DPCD: variants seen among roughly 807,000 people sequenced by gnomAD.
DPCD encodes the protein deleted in primary ciliary dyskinesia homolog (mouse), also known as protein DPCD.
A neutral mutation model predicts 26.4 loss-of-function variants in DPCD; 20 were observed. That is an observed-to-expected ratio of 0.76 (90% CI 0.53 to 1.10). The LOEUF is 1.10. Among genes scored for constraint, DPCD ranks in the 50% least tolerant of loss-of-function variants. The pLI is 0.00. For missense variants in DPCD, 202 were observed against 253.9 expected (o/e 0.80, Z 1.39); for synonymous variants, 97 against 94.2 (o/e 1.03, Z -0.17).
At chr10:101,591,935 A>G (rs2063612058) in intron 1 of DPCD, among the ~76,000 whole-genome samples, 1 of 152,082 alleles carries the variant, frequency 6.6e-6, no homozygotes, top group Non-Finnish European at 1.5e-5. Flanking sequence ...ATCCGCCTGC[A>G]TCGGCTTCCC....
intron 1 of DPCD, among the ~76,000 whole-genome samples, chr10:101,592,046 T>C (rs1450519058): frequency 6.6e-6 from 1 of 151,792 alleles, no homozygotes; most frequent in African/African-American, 2.4e-5. Flanking sequence ...TCACAGTTAT[T>C]TTTCTTTTAC....
Position 101,600,624 on chromosome 10 carries a change from C to T in DPCD, c.146-114C>T. On this transcript the variant is annotated intron_variant, in intron 2 of 5. Coordinates refer to ENST00000370151, the MANE Select transcript of DPCD (RefSeq NM_015448.3). The surrounding 1 kb of genome is among the most constrained non-coding windows in gnomAD (Gnocchi z 4.7). ...AAAGGCCCAACACTCCCACTTTCAT[C>T]TTGTGCTAGTTACCTAGTGTGGTGC... 1 of 1,455,980 alleles carries T rather than the reference C, an allele frequency of 6.9e-7. No individual in the cohort carries two copies. Among genetic ancestry groups the T allele is most frequent in the Non-Finnish European group, 9.2e-7 (1 of 1,087,778 alleles). The allele number at this position is 1,455,980 out of a possible 1,614,324, so 90.2% of individuals were successfully genotyped here.
rs1039006991 is a variant in DPCD, at chr10:101,600,343, G to A, written c.146-395G>A. On this transcript the variant is annotated intron_variant, in intron 2 of 5. Coordinates refer to ENST00000370151, the MANE Select transcript of DPCD (RefSeq NM_015448.3). The surrounding 1 kb of genome is among the most constrained non-coding windows in gnomAD (Gnocchi z 4.7). ...TCTGCATGTTTTTGAGGGAAAAAGT[G>A]TGCTTCAACTCCTTTTTGGGATCCA... Among the ~76,000 whole-genome samples, 2 of 152,112 alleles carry A rather than the reference G, an allele frequency of 1.3e-5. No homozygotes were observed. Among genetic ancestry groups the A allele is most frequent in the South Asian group, 4.2e-4 (2 of 4,814 alleles).
chr10:101,594,552 C>T (rs2063635738), intron 1 of DPCD, 106 bp from the exon 2 acceptor site: 2 of 1,137,512 alleles, frequency 1.8e-6, no homozygotes, highest in Admixed American at 3.5e-5. Context: ...GGCTGGGTTC[C>T]TCAGTACTCC....
chr10:101,600,591 C>T lies in DPCD; in HGVS notation c.146-147C>T, dbSNP rs754020616. ...GAGGTCCCTCCTTAGATTAACAAAG[C>T]TGAGAGTAAAGGCCCAACACTCCCA... On this transcript the variant is annotated intron_variant, in intron 2 of 5. Coordinates refer to ENST00000370151, the MANE Select transcript of DPCD (RefSeq NM_015448.3). This position sits in a 1 kb window ranked among gnomAD's most constrained non-coding sequence, Gnocchi z 4.7. 4 of 1,240,452 alleles carry T rather than the reference C, an allele frequency of 3.2e-6. No homozygotes were observed. The South Asian group carries it at 6.5e-5, about 20-fold the overall frequency. The allele number at this position is 1,240,452 out of a possible 1,614,324, so 76.8% of individuals were successfully genotyped here. A position where few individuals can be genotyped will look rare whatever the true frequency, so the allele number is the denominator to read the frequency against.
intron 1 of DPCD, 42 bp downstream of exon 1, chr10:101,588,442 C>T (rs2063519571): frequency 1.3e-6 from 2 of 1,556,758 alleles, no homozygotes; most frequent in South Asian, 1.2e-5. Flanking sequence ...TTTTTTCCCT[C>T]AGGGTCCGGC....
At position 101,594,716 on chromosome 10, in the gene DPCD, C is replaced by T. The variant is rs867341773; in HGVS notation, c.123C>T (p.Asp41=). ...GCAAGGAAATGGCTGAAGAATATGA[C>T]GAGAAGACGAGTGAACTACTTGGTA... The part of the protein sequence containing the change: ...PDGKEMAEEY[D]EKTSELLVRK... Residue 41 remains aspartate, a synonymous_variant, in exon 2 of 6, where the codon GAC becomes GAT. Coordinates refer to ENST00000370151, the MANE Select transcript of DPCD (RefSeq NM_015448.3). 1 of 1,614,132 alleles carries T rather than the reference C, an allele frequency of 6.2e-7. No individual in the cohort carries two copies. The highest frequency in any genetic ancestry group is 1.1e-5 in the South Asian group (1 of 91,074).
intron 3 of DPCD, among the ~76,000 whole-genome samples, 158 bp from the exon 4 acceptor site, chr10:101,601,045 C>T (rs576978809): frequency 2.0e-5 from 3 of 152,156 alleles, no homozygotes; most frequent in South Asian, 2.1e-4. Context: ...CGTCCCAGGG[C>T]GGGGGCTCAG....
At chr10:101,594,223 A>T (rs1334174310) in intron 1 of DPCD, among the ~76,000 whole-genome samples, 1 of 148,180 alleles carries the variant, frequency 6.7e-6, no homozygotes, top group Non-Finnish European at 1.5e-5. Flanking sequence ...AAATGCTTTT[A>T]AAAGTATCAT....
intron 5 of DPCD, 134 bp downstream of exon 5, chr10:101,609,071 C>A: frequency 1.3e-6 from 1 of 790,376 alleles, no homozygotes; most frequent in Non-Finnish European, 2.1e-6. Context: ...ATAGGCATCT[C>A]TAATTCAGCA....
chr10:101,609,587 C>T lies in DPCD; in HGVS notation c.*116C>T. ...AGGAGCTATCAAGGGTCTCTAAGAA[C>T]TGGGCATGGGGCACTCCTAGCCAGT... On this transcript the variant is annotated 3_prime_UTR_variant, in exon 6 of 6. Coordinates refer to ENST00000370151, the MANE Select transcript of DPCD (RefSeq NM_015448.3). 1 of 844,000 alleles carries T rather than the reference C, an allele frequency of 1.2e-6. No homozygotes were observed. Among genetic ancestry groups the T allele is most frequent in the East Asian group, 2.6e-5 (1 of 38,038 alleles). 52.3% of individuals were successfully genotyped at this position (844,000 alleles called of 1,614,324 possible).
At chr10:101,598,026 C>T (rs1346296604) in intron 2 of DPCD, among the ~76,000 whole-genome samples, 2 of 152,170 alleles carry the variant, frequency 1.3e-5, no homozygotes, top group African/African-American at 4.8e-5. Flanking sequence ...GTGTCAAGTT[C>T]CCTGAGTGGT....
chr10:101,592,148 A>G (rs2063614635), intron 1 of DPCD, among the ~76,000 whole-genome samples: 1 of 152,150 alleles, frequency 6.6e-6, no homozygotes, highest in African/African-American at 2.4e-5. Flanking sequence ...GTATCGAATA[A>G]TCATTGGGTA....
At chr10:101,605,202 C>T (rs1379930079) in intron 4 of DPCD, 3 of 1,550,320 alleles carry the variant, frequency 1.9e-6, no homozygotes, top group Non-Finnish European at 2.6e-6. Context: ...GTGCATGGCA[C>T]CCCCTCTGAG....
intron 4 of DPCD, among the ~76,000 whole-genome samples, chr10:101,607,538 C>T (rs2063741630): frequency 6.6e-6 from 1 of 152,122 alleles, no homozygotes; most frequent in Admixed American, 6.5e-5. Context: ...GGAGAGGGGC[C>T]CCGAGAGCCT....
At chr10:101,594,312 A>G (rs964285241) in intron 1 of DPCD, among the ~76,000 whole-genome samples, 1 of 152,244 alleles carries the variant, frequency 6.6e-6, no homozygotes, top group East Asian at 1.9e-4. Flanking sequence ...AATCCTACCA[A>G]AGTGGCTGGA....
At chr10:101,594,611 G>C in intron 1 of DPCD, 47 bp from the exon 2 acceptor site, 1 of 1,594,800 alleles carries the variant, frequency 6.3e-7, no homozygotes, top group South Asian at 1.1e-5. Flanking sequence ...GCAAGGGACA[G>C]GGCAAGGGGA....
chr10:101,594,814 T>C (rs1471470270), intron 2 of DPCD, 76 bp downstream of exon 2: 3 of 1,403,928 alleles, frequency 2.1e-6, no homozygotes, highest in Non-Finnish European at 3.0e-6. Flanking sequence ...CTCCTAGCCT[T>C]AGGCTTGAGG....
At chr10:101,594,162 C>A (rs2063632953) in intron 1 of DPCD, among the ~76,000 whole-genome samples, 1 of 111,650 alleles carries the variant, frequency 9.0e-6, no homozygotes, top group South Asian at 2.5e-4. Flanking sequence ...AAACCCAATT[C>A]AATGTCCTGA....
Sources: gnomAD v4.1 joint callset for allele counts (sites outside exome capture counted in the v4.1 genomes callset) on GRCh38, gnomAD v4.1.1 for gene constraint, Gnocchi (gnomAD v3.1) non-coding constraint, MANE v1.5 for transcripts, NCBI Gene and HGNC (gene_info 2026-07-23, HGNC 2026-07-21) for gene names.